Variants in ZNF644 observed in about 807,000 individuals in gnomAD.
ZNF644 encodes zinc finger protein 644, also known as zinc finger motif enhancer binding protein 2.
In ZNF644, 20 loss-of-function variants were observed where a neutral mutation model predicts 108.0. The observed-to-expected ratio is 0.19, with a 90% CI of 0.13 to 0.27. The LOEUF is 0.27. Among genes scored for constraint, ZNF644 ranks in the 10% least tolerant of loss-of-function variants. ZNF644 has a pLI of 1.00. For synonymous variants in ZNF644, 542 were observed against 539.1 expected (o/e 1.01, Z -0.08); for missense variants, 1,338 against 1,548.9 (o/e 0.86, Z 2.29).
At chr1:90,932,515 A>C (rs1483593974) in intron 4 of ZNF644, among the ~76,000 whole-genome samples, 2 of 152,228 alleles carry the variant, frequency 1.3e-5, no homozygotes, top group Non-Finnish European at 1.5e-5. Context: ...TTCTTGAAAA[A>C]TGATGCCTGT....
chr1:91,008,282 T>G (rs541623233), intron 1 of ZNF644, among the ~76,000 whole-genome samples: 10 of 152,334 alleles, frequency 6.6e-5, no homozygotes, highest in Admixed American at 3.3e-4. Context: ...TGAGTGTTGC[T>G]TACTTGTTAT....
At chr1:91,007,172 AATT>A (rs1275243002) in intron 1 of ZNF644, among the ~76,000 whole-genome samples, 2 of 148,986 alleles carry the variant, frequency 1.3e-5, no homozygotes, top group Non-Finnish European at 3.0e-5. Flanking sequence ...TCACTGTGGA[AATT>A]CACATTTCTT....
intron 1 of ZNF644, among the ~76,000 whole-genome samples, chr1:91,001,509 T>C (rs34006832): frequency 0.11 from 16,496 of 152,164 alleles, 1,162 homozygotes; most frequent in South Asian, 0.2. Flanking sequence ...AAACTCTCAA[T>C]AAATTAGGTA....
intron 4 of ZNF644, among the ~76,000 whole-genome samples, chr1:90,928,772 T>C (rs763876319): frequency 9.9e-5 from 15 of 152,194 alleles, no homozygotes; most frequent in South Asian, 6.2e-4. Flanking sequence ...CTCCTGACAC[T>C]TGAAGTCCAA....
At chr1:91,021,098 A>C (rs1174868890) in intron 1 of ZNF644, 1 of 152,238 alleles carries the variant, frequency 6.6e-6, no homozygotes, top group Non-Finnish European at 1.5e-5. Flanking sequence ...ATCACTGAGA[A>C]GAGTCTGGGA....
chr1:90,917,066 A>G lies in ZNF644; in HGVS notation c.3792-76T>C, dbSNP rs578246141. 2.8e-5 allele frequency: 40 copies of G among 1,426,202 alleles called. No homozygotes were observed. The South Asian group carries it at 4.5e-4, about 16-fold the overall frequency. The allele number at this position is 1,426,202 out of a possible 1,614,324, so 88.3% of individuals were successfully genotyped here. On this transcript the variant is annotated intron_variant, in intron 5 of 5. Coordinates refer to ENST00000337393, the MANE Select transcript of ZNF644 (RefSeq NM_201269.3). ...ACTAATTCACACAAAATCCTAAAAC[A>G]TAAGGAATAAACTTTATCATATTTT...
At chr1:90,926,136 C>T (rs1015616880) in intron 4 of ZNF644, among the ~76,000 whole-genome samples, 7 of 152,190 alleles carry the variant, frequency 4.6e-5, no homozygotes, top group Non-Finnish European at 1.5e-5. Context: ...TTTGAACTGA[C>T]CAGCATTCCT....
intron 2 of ZNF644, among the ~76,000 whole-genome samples, chr1:90,946,132 C>T (rs1652491842): frequency 1.3e-5 from 2 of 151,996 alleles, no homozygotes; most frequent in African/African-American, 4.8e-5. Context: ...TCTTAATTAA[C>T]TGAAATATTA....
chr1:90,969,625 A>C (rs1455707822), intron 2 of ZNF644, among the ~76,000 whole-genome samples: 1 of 152,138 alleles, frequency 6.6e-6, no homozygotes, highest in Admixed American at 6.6e-5. Flanking sequence ...CATGCTGTAA[A>C]TGCTCCCTAT....
At chr1:90,925,073 C>T (rs907060436) in intron 4 of ZNF644, among the ~76,000 whole-genome samples, 15 of 152,096 alleles carry the variant, frequency 9.9e-5, no homozygotes, top group African/African-American at 3.1e-4. Flanking sequence ...GATTACAAAC[C>T]GCATTCAAGA....
chr1:90,989,213 C>G (rs358685), intron 1 of ZNF644, among the ~76,000 whole-genome samples: 120,407 of 152,074 alleles, frequency 0.79, 47,861 homozygotes, highest in South Asian at 0.85. Context: ...CCAAGTACTT[C>G]AATGGACAAT....
In ZNF644 at chr1:90,982,628, T is replaced by A. The variant is rs100694; in HGVS notation, c.-17-258A>T. 0.36 allele frequency among the ~76,000 whole-genome samples: 53,791 copies of A among 151,500 alleles called. 10,368 individuals are homozygous for A. Among genetic ancestry groups the A allele is most frequent in the Non-Finnish European group, 0.44 (29,617 of 67,760 alleles). On this transcript the variant is annotated intron_variant, in intron 1 of 5. Coordinates refer to ENST00000337393, the MANE Select transcript of ZNF644 (RefSeq NM_201269.3). Reference sequence around the variant, plus strand: ...AGAAATTGAAACTAATTCTTTTTTTTAAAAAAAATTCTAAATTGTTTTCAT... The same window carrying A: ...AGAAATTGAAACTAATTCTTTTTTTAAAAAAAAATTCTAAATTGTTTTCAT...
intron 1 of ZNF644, among the ~76,000 whole-genome samples, chr1:91,001,120 G>C (rs1354957017): frequency 2.0e-5 from 3 of 152,290 alleles, no homozygotes; most frequent in East Asian, 1.9e-4. Context: ...GGAGGAGCTG[G>C]TACCATTCCT....
At chr1:90,969,155 C>A (rs759996643) in intron 2 of ZNF644, among the ~76,000 whole-genome samples, 4 of 152,088 alleles carry the variant, frequency 2.6e-5, no homozygotes, top group Non-Finnish European at 5.9e-5. Context: ...TAAAATGAAG[C>A]CATTAGGGTA....
chr1:90,967,666 T>G (rs1393629523), intron 2 of ZNF644, among the ~76,000 whole-genome samples: 2 of 152,082 alleles, frequency 1.3e-5, no homozygotes, highest in Non-Finnish European at 2.9e-5. Flanking sequence ...ACAACAAATT[T>G]TCCTTTTATT....
chr1:90,999,757 G>C (rs1240067859), intron 1 of ZNF644, among the ~76,000 whole-genome samples: 2 of 152,122 alleles, frequency 1.3e-5, no homozygotes, highest in African/African-American at 4.8e-5. Context: ...TGGATAAAGA[G>C]TCAAGACCCA....
At chr1:90,974,725 C>A (rs998902805) in intron 2 of ZNF644, among the ~76,000 whole-genome samples, 12 of 152,182 alleles carry the variant, frequency 7.9e-5, no homozygotes, top group African/African-American at 2.9e-4. Context: ...AACTAGTCAT[C>A]CTGAATCCAA....
chr1:91,021,334 G>C (rs772414780), intron 1 of ZNF644: 6 of 152,466 alleles, frequency 3.9e-5, no homozygotes, highest in African/African-American at 1.4e-4. Flanking sequence ...GGGGAGGGGA[G>C]GGCTATGCGG....
chr1:90,985,783 A>G (rs1199768150), intron 1 of ZNF644, among the ~76,000 whole-genome samples: 1 of 152,190 alleles, frequency 6.6e-6, no homozygotes, highest in Non-Finnish European at 1.5e-5. Flanking sequence ...ATACCTCTTC[A>G]GCACACTGAT....
Sources: gnomAD v4.1 joint callset for allele counts (sites outside exome capture counted in the v4.1 genomes callset) on GRCh38, gnomAD v4.1.1 for gene constraint, MANE v1.5 for transcripts, NCBI Gene and HGNC (gene_info 2026-07-23, HGNC 2026-07-21) for gene names.